Variants in PRKCQ observed in about 807,000 individuals in gnomAD.
The protein encoded by PRKCQ is protein kinase C theta type.
Under a neutral mutation model 91.2 loss-of-function variants are expected in PRKCQ, and 41 were observed. The ratio of observed to expected loss-of-function variants is 0.45; its 90% CI spans 0.35 to 0.58. The LOEUF (loss-of-function observed/expected upper bound fraction) is 0.58. PRKCQ is among the 20% of genes least tolerant of loss of function. The pLI, the probability that PRKCQ is intolerant of heterozygous loss-of-function variation, is 0.00. For synonymous variants in PRKCQ, 307 were observed against 316.9 expected (o/e 0.97, Z 0.33); for missense variants, 673 against 896.5 (o/e 0.75, Z 3.18).
At chr10:6,496,680 T>C (rs1192841657) in intron 7 of PRKCQ, among the ~76,000 whole-genome samples, 2 of 152,114 alleles carry the variant, frequency 1.3e-5, no homozygotes, top group African/African-American at 2.4e-5. Flanking sequence ...TTTTTTTTTT[T>C]TCTTTTCTTT....
At chr10:6,399,245 G>A in the PRKCQ span, among the ~76,000 whole-genome samples, 20 of 152,200 alleles carry the variant, frequency 1.3e-4, no homozygotes, top group African/African-American at 4.3e-4. Flanking sequence ...GTAGGTCCTC[G>A]ATAAATATTC....
chr10:6,576,270 A>C lies in PRKCQ; in HGVS notation c.-10+3941T>G, dbSNP rs1316027928. On this transcript the variant is annotated intron_variant, in intron 1 of 17. Coordinates refer to ENST00000263125, the MANE Select transcript of PRKCQ (RefSeq NM_006257.5). This position sits in a 1 kb window ranked among gnomAD's most constrained non-coding sequence, Gnocchi z 4.2. ...ATATCTGCGTGTTCCTCTTCACGGC[A>C]GCATTATTCACAATAATCAAAAGAT... 1.3e-5 allele frequency among the ~76,000 whole-genome samples: 2 copies of C among 152,248 alleles called. No individual in the cohort carries two copies. The highest frequency in any genetic ancestry group is 2.9e-5 in the Non-Finnish European group (2 of 68,052).
chr10:6,579,632 T>A (rs892290240), intron 1 of PRKCQ, among the ~76,000 whole-genome samples: 1 of 145,892 alleles, frequency 6.9e-6, no homozygotes, highest in Non-Finnish European at 1.5e-5. Flanking sequence ...GCTACAGGAA[T>A]GAGCACGCAG....
At chr10:6,484,849 T>C (rs1024312344) in intron 10 of PRKCQ, among the ~76,000 whole-genome samples, 3 of 152,218 alleles carry the variant, frequency 2.0e-5, no homozygotes, top group African/African-American at 7.2e-5. Context: ...CATCAAATTT[T>C]AAGACAGATT....
At position 6,501,827 on chromosome 10, in the gene PRKCQ, G is replaced by GA. The variant is rs533459060; in HGVS notation, c.380-3270dup. Among the ~76,000 whole-genome samples, 1,468 of 146,976 alleles carry GA rather than the reference G, an allele frequency of 1.0e-2. 6 individuals carry two copies. Among genetic ancestry groups the GA allele is most frequent in the Non-Finnish European group, 0.014 (950 of 66,434 alleles). On this transcript the variant is annotated intron_variant, in intron 4 of 17. Coordinates refer to ENST00000263125, the MANE Select transcript of PRKCQ (RefSeq NM_006257.5). ...CGACATGAGCGAAACTCTGTCTCAAGAAAAAAAAAATACATAAAAAAATTA... is the reference window on the plus strand; with the variant it reads ...CGACATGAGCGAAACTCTGTCTCAAGAAAAAAAAAAATACATAAAAAAATTA...
At chr10:6,562,669 A>C (rs747653675) in intron 1 of PRKCQ, among the ~76,000 whole-genome samples, 1 of 152,258 alleles carries the variant, frequency 6.6e-6, no homozygotes, top group Non-Finnish European at 1.5e-5. Context: ...GTATAGTCCC[A>C]AAATCAGGCT....
rs771498359 is a variant in PRKCQ at position 6,497,272 on chromosome 10, A to C, written c.543-21T>G. The C allele has an allele frequency of 4.3e-6, 7 of 1,614,008 alleles. No homozygotes were observed. The South Asian group carries it at 7.7e-5, about 18-fold the overall frequency. Reference sequence around the variant, plus strand: ...GGCCCCTGTAATAAAGCACACGCTGATTTATTTCAATGTTGGCATCAACAT... The same window carrying C: ...GGCCCCTGTAATAAAGCACACGCTGCTTTATTTCAATGTTGGCATCAACAT... On this transcript the variant is annotated intron_variant, in intron 5 of 17. Transcript: ENST00000263125. This position sits in a 1 kb window ranked among gnomAD's most constrained non-coding sequence, Gnocchi z 4.5.
At chr10:6,427,145 CTCTT>C (rs769923869) in exon 18 of PRKCQ, 2 of 150,886 alleles carry the variant, frequency 1.3e-5, no homozygotes, top group African/African-American at 4.9e-5. Context: ...ATTAAGAGGA[CTCTT>C]TTTTTTTTTT....
chr10:6,576,422 T>G lies in PRKCQ; in HGVS notation c.-10+3789A>C, dbSNP rs1564402811. Among the ~76,000 whole-genome samples the G allele has an allele frequency of 1.3e-5, 2 of 152,308 alleles. No individual in the cohort carries two copies. The highest frequency in any genetic ancestry group is 3.9e-4 in the East Asian group (2 of 5,188). ...TCACATGGATACAGCTTGAGAACACTATGCTAAGTGAAATAAGACAGTTAC... is the reference window on the plus strand; with the variant it reads ...TCACATGGATACAGCTTGAGAACACGATGCTAAGTGAAATAAGACAGTTAC... On this transcript the variant is annotated intron_variant, in intron 1 of 17. Coordinates refer to ENST00000263125, the MANE Select transcript of PRKCQ (RefSeq NM_006257.5). The surrounding 1 kb of genome is among the most constrained non-coding windows in gnomAD (Gnocchi z 4.2).
chr10:6,500,276 A>G (rs954407925), intron 4 of PRKCQ, among the ~76,000 whole-genome samples: 2 of 152,164 alleles, frequency 1.3e-5, no homozygotes, highest in African/African-American at 4.8e-5. Flanking sequence ...GAAATAAAAT[A>G]AAATAAAAAT....
At chr10:6,528,664 A>ACT (rs2130894946) in intron 1 of PRKCQ, among the ~76,000 whole-genome samples, 1 of 152,242 alleles carries the variant, frequency 6.6e-6, no homozygotes, top group African/African-American at 2.4e-5. Context: ...TGTGCAAAGG[A>ACT]CTCACAGTGA....
intron 9 of PRKCQ, 26 bp from the exon 10 acceptor site, chr10:6,485,295 C>T (rs779870194): frequency 6.5e-7 from 1 of 1,535,280 alleles, no homozygotes; most frequent in Non-Finnish European, 9.0e-7. Flanking sequence ...AGAGTCAGAC[C>T]ACCCACCCAC....
the PRKCQ span, among the ~76,000 whole-genome samples, chr10:6,405,224 C>T: frequency 6.6e-6 from 1 of 152,192 alleles, no homozygotes; most frequent in African/African-American, 2.4e-5. Flanking sequence ...CTAAAGCAAT[C>T]TGCCCATCTC....
intron 1 of PRKCQ, among the ~76,000 whole-genome samples, chr10:6,518,559 C>T (rs1854102): frequency 0.4 from 60,613 of 152,028 alleles, 14,286 homozygotes; most frequent in Admixed American, 0.56. Context: ...TGGTGGCTCA[C>T]GCCTGTAATC....
At chr10:6,496,341 C>G (rs565660) in intron 7 of PRKCQ, among the ~76,000 whole-genome samples, 2 of 151,850 alleles carry the variant, frequency 1.3e-5, no homozygotes, top group African/African-American at 4.8e-5. Context: ...GCCCAGTTTC[C>G]CCCCTCCATT....
At chr10:6,404,404 CTTCT>C in the PRKCQ span, among the ~76,000 whole-genome samples, 81 of 150,648 alleles carry the variant, frequency 5.4e-4, no homozygotes, top group East Asian at 2.4e-3. Flanking sequence ...TCTTTCTTTC[CTTCT>C]TTCTTTCTTT....
At chr10:6,396,321 T>G in the PRKCQ span, among the ~76,000 whole-genome samples, 2 of 152,206 alleles carry the variant, frequency 1.3e-5, no homozygotes, top group South Asian at 2.1e-4. Context: ...CCTTTTAAAG[T>G]ATACAATTCA....
chr10:6,417,693 G>A, the PRKCQ span, among the ~76,000 whole-genome samples: 1 of 152,170 alleles, frequency 6.6e-6, no homozygotes, highest in African/African-American at 2.4e-5. Flanking sequence ...ACATTCAGTC[G>A]AGAATCCAGG....
intron 1 of PRKCQ, among the ~76,000 whole-genome samples, chr10:6,573,157 T>A (rs960392448): frequency 3.9e-5 from 6 of 152,226 alleles, no homozygotes; most frequent in African/African-American, 1.4e-4. Context: ...ATGCTTGTTA[T>A]CACCCCCAAA....
Sources: allele counts gnomAD v4.1 joint callset (sites outside exome capture counted in the v4.1 genomes callset), GRCh38; gene constraint gnomAD v4.1.1; non-coding constraint Gnocchi (gnomAD v3.1); transcripts MANE v1.5; gene names NCBI Gene and HGNC (gene_info 2026-07-23, HGNC 2026-07-21).